The following TAOK2 variants were observed in gnomAD, a reference collection of about 807,000 sequenced individuals.
TAOK2 encodes serine/threonine-protein kinase TAO2.
A neutral mutation model predicts 122.5 loss-of-function variants in TAOK2; 42 were observed. The observed-to-expected ratio is 0.34, with a 90% CI of 0.27 to 0.44. The LOEUF (loss-of-function observed/expected upper bound fraction) is 0.44. TAOK2 is among the 20% of genes least tolerant of loss of function. TAOK2 has a pLI of 1.00. For missense variants in TAOK2, 1,264 were observed against 1,644.9 expected (o/e 0.77, Z 4.01); for synonymous variants, 704 against 677.6 (o/e 1.04, Z -0.61).
downstream of TAOK2, chr16:29,989,460 C>A: frequency 6.7e-7 from 1 of 1,497,388 alleles, no homozygotes; most frequent in East Asian, 2.5e-5. Flanking sequence ...CTCTCCCTGT[C>A]TCTGCTTCTG....
In TAOK2 at chr16:29,979,245, T is replaced by G; in HGVS notation, c.500T>G (p.Leu167Arg). Residue 167 changes from leucine to arginine, a missense_variant, in exon 7 of 16, where the codon CTA (leucine) becomes CGA (arginine). This residue lies in a region of TAOK2 where 254 missense variants were observed against 503.8 expected (regional missense o/e 0.50). Coordinates refer to ENST00000308893, the MANE Select transcript of TAOK2 (RefSeq NM_016151.4). This position sits in a 1 kb window ranked among gnomAD's most constrained non-coding sequence, Gnocchi z 4.1. ...ILLSEPGLVK[L>R]GDFGSASIMA... is the part of the protein sequence containing the mutation. ...CTGTCAGAGCCAGGGTTAGTGAAGC[T>G]AGGGGACTTTGGTTCTGCGTCCATC... 6.2e-7 allele frequency: 1 copy of G among 1,614,226 alleles called. No homozygotes were observed. The highest frequency in any genetic ancestry group is 8.5e-7 in the Non-Finnish European group (1 of 1,180,040).
chr16:29,988,257 CA>C lies in TAOK2; in HGVS notation c.*278del. The C allele has an allele frequency of 6.8e-7, 1 of 1,468,166 alleles. No individual in the cohort carries two copies. 90.9% of individuals were successfully genotyped at this position (1,468,166 alleles called of 1,614,324 possible). ...ACCCTCATTGACTCAGGCCTGGGGC[CA>C]GGGGTGGTGGAGGGTGGGAAGAGTC... On this transcript the variant is annotated 3_prime_UTR_variant, in exon 16 of 16. Transcript: ENST00000308893.
At position 29,986,963 on chromosome 16, in the gene TAOK2, C is replaced by T. The variant is rs763856760; in HGVS notation, c.2691C>T (p.Pro897=). The T allele has an allele frequency of 5.5e-5, 89 of 1,613,636 alleles. No homozygotes were observed. Among genetic ancestry groups the T allele is most frequent in the Middle Eastern group, 1.6e-4 (1 of 6,082 alleles). ...LGWVQGPALT[P]VPEEEEEEEE... ...GGGTCCAGGGCCCAGCACTGACTCC[C>T]GTCCCTGAGGAGGAGGAAGAAGAGG... Residue 897 remains proline, a synonymous_variant, in exon 16 of 16, where the codon CCC becomes CCT. Transcript: ENST00000308893. This position sits in a 1 kb window ranked among gnomAD's most constrained non-coding sequence, Gnocchi z 4.2.
chr16:29,976,663 T>C (rs2069464546), intron 1 of TAOK2, among the ~76,000 whole-genome samples: 1 of 152,200 alleles, frequency 6.6e-6, no homozygotes, highest in African/African-American at 2.4e-5. Flanking sequence ...CCCTAGGTGC[T>C]CTTCCCAATG....
chr16:29,981,988 A>G (rs772968786), intron 10 of TAOK2, 48 bp downstream of exon 10: 1 of 1,502,172 alleles, frequency 6.7e-7, no homozygotes, highest in South Asian at 1.2e-5. Context: ...AGCTTGTTAC[A>G]GCCACAAGAA....
intron 1 of TAOK2, among the ~76,000 whole-genome samples, chr16:29,975,503 G>A (rs1013610360): frequency 1.3e-5 from 2 of 152,166 alleles, no homozygotes; most frequent in African/African-American, 2.4e-5. Flanking sequence ...GCTGGGGTGA[G>A]GTTTAAGAAT....
At chr16:29,976,223 T>G (rs898971203) in intron 1 of TAOK2, among the ~76,000 whole-genome samples, 1 of 151,992 alleles carries the variant, frequency 6.6e-6, no homozygotes, top group South Asian at 2.1e-4. Flanking sequence ...TGTGTGTGGG[T>G]GTGTGGTGCT....
At chr16:29,991,237 C>T (rs1198926363), downstream of TAOK2, 3 of 1,611,678 alleles carry the variant, frequency 1.9e-6, no homozygotes, top group Admixed American at 1.7e-5. The surrounding 1 kb of genome is among the most constrained non-coding windows in gnomAD (Gnocchi z 5.6). Context: ...CCTGCCCCAG[C>T]CTGGCCCTCC....
rs755146133 is a variant in TAOK2 at position 29,977,869 on chromosome 16, G to C, written c.97G>C (p.Glu33Gln). The change falls in exon 2 of 16, where the codon GAA (glutamate) becomes CAA (glutamine). Residue 33 changes from glutamate (E) to glutamine (Q), a missense_variant. Coordinates refer to ENST00000308893, the MANE Select transcript of TAOK2 (RefSeq NM_016151.4). ...AGAAAAGCTCTTCTCTGACCTCCGGGAAATTGGCCATGGCAGCTTTGGAGC... is the reference window on the plus strand; with the variant it reads ...AGAAAAGCTCTTCTCTGACCTCCGGCAAATTGGCCATGGCAGCTTTGGAGC... ...DPEKLFSDLR[E>Q]IGHGSFGAVY... 5 of 1,614,048 alleles carry C rather than the reference G, an allele frequency of 3.1e-6. No homozygotes were observed. Among genetic ancestry groups the C allele is most frequent in the Non-Finnish European group, 3.4e-6 (4 of 1,180,024 alleles).
chr16:29,989,258 C>T (rs2069907803), downstream of TAOK2: 2 of 985,202 alleles, frequency 2.0e-6, no homozygotes, highest in African/African-American at 3.5e-5. Context: ...TGTCCAGTAA[C>T]TCCGATGTTC....
chr16:29,988,886 AG>A (rs1473279721), downstream of TAOK2: 2 of 984,874 alleles, frequency 2.0e-6, no homozygotes, highest in Non-Finnish European at 2.4e-6. Context: ...TGAGTGTGTG[AG>A]GGGCCGGGCT....
At position 29,982,770 on chromosome 16, in the gene TAOK2, A is replaced by G. The variant is rs149797802; in HGVS notation, c.868A>G (p.Ile290Val). The change falls in exon 11 of 16, where the codon ATC becomes GTC. Residue 290 changes from isoleucine to valine, a missense_variant. Ile to Val is a conservative substitution (Grantham distance 29). Transcript: ENST00000308893. ...GCTCCGGGAGCGGCCACCCACAGTC[A>G]TCATGGACCTGATCCAGAGGACCAA... ...FVLRERPPTV[I>V]MDLIQRTKDA... 14 of 1,613,846 alleles carry G rather than the reference A, an allele frequency of 8.7e-6. No homozygotes were observed. Among genetic ancestry groups the G allele is most frequent in the East Asian group, 4.5e-5 (2 of 44,890 alleles).
chr16:29,981,553 C>T, intron 8 of TAOK2, 108 bp from the exon 9 acceptor site: 1 of 953,220 alleles, frequency 1.0e-6, no homozygotes, highest in Non-Finnish European at 1.7e-6. Flanking sequence ...GGTCATGTGG[C>T]AAGGAAGTCA....
At chr16:29,989,846 G>A, downstream of TAOK2, 1 of 1,597,032 alleles carries the variant, frequency 6.3e-7, no homozygotes, top group South Asian at 1.1e-5. Context: ...CTAGAGGCCA[G>A]GCTCTGTACT....
chr16:29,987,859 G>A lies in TAOK2; in HGVS notation c.3587G>A (p.Arg1196Gln), dbSNP rs540709989. The A allele has an allele frequency of 9.2e-5, 148 of 1,609,658 alleles. 1 individual carries two copies. In the South Asian group the frequency reaches 1.4e-3, roughly 15 times the overall value. The change falls in exon 16 of 16, where the codon CGG becomes CAG. Residue 1196 changes from arginine (R) to glutamine (Q), a missense_variant. Coordinates refer to ENST00000308893, the MANE Select transcript of TAOK2 (RefSeq NM_016151.4). ...LRGERPTRIPRLLPRSQRQLG... is the reference protein window; with the variant it reads ...LRGERPTRIPQLLPRSQRQLG... ...GGTGAACGGCCCACCCGAATCCCCC[G>A]GCTACTACCACGCAGCCAGCGCCAG...
In TAOK2 at chr16:29,985,886, C is replaced by G; in HGVS notation, c.1992+25C>G. 6.2e-7 allele frequency: 1 copy of G among 1,603,640 alleles called. No homozygotes were observed. Among genetic ancestry groups the G allele is most frequent in the South Asian group, 1.1e-5 (1 of 89,846 alleles). On this transcript the variant is annotated intron_variant, in intron 15 of 15. Transcript: ENST00000308893. The surrounding 1 kb of genome is among the most constrained non-coding windows in gnomAD (Gnocchi z 6.9). ...GGTAGGCATCCCAATCTCTGTTCCCCTCCCGCTCACTCGTGGATCCCAGGG... is the reference window on the plus strand; with the variant it reads ...GGTAGGCATCCCAATCTCTGTTCCCGTCCCGCTCACTCGTGGATCCCAGGG...
chr16:29,988,442 G>A (rs1316678490), downstream of TAOK2: 60 of 1,266,978 alleles, frequency 4.7e-5, no homozygotes, highest in Non-Finnish European at 5.8e-5. Context: ...CTGCCGCCTA[G>A]CCTCCCCGGT....
chr16:29,983,417 C>G (rs995792749), intron 12 of TAOK2, 85 bp downstream of exon 12: 25 of 1,561,188 alleles, frequency 1.6e-5, no homozygotes, highest in Non-Finnish European at 2.1e-5. Flanking sequence ...TGCAGCACTC[C>G]TCTGAGTCTG....
At chr16:29,982,606 A>G in intron 10 of TAOK2, 128 bp from the exon 11 acceptor site, 10 of 1,257,894 alleles carry the variant, frequency 7.9e-6, no homozygotes, top group Non-Finnish European at 1.1e-5. Context: ...GGCTTGGGAT[A>G]AGGCCAGCAT....
Sources: allele counts gnomAD v4.1 joint callset (sites outside exome capture counted in the v4.1 genomes callset), GRCh38; gene constraint gnomAD v4.1.1; regional missense constraint gnomAD v4.1.1; non-coding constraint Gnocchi (gnomAD v3.1); transcripts MANE v1.5; gene names NCBI Gene and HGNC (gene_info 2026-07-23, HGNC 2026-07-21).